The following PRR16 variants were observed in gnomAD, a reference collection of about 807,000 sequenced individuals.
PRR16 encodes proline rich 16.
In PRR16, 6 loss-of-function variants were observed where a neutral mutation model predicts 18.2. The ratio of observed to expected loss-of-function variants is 0.33; its 90% CI spans 0.18 to 0.65. PRR16 has a LOEUF of 0.65. Ranked by LOEUF, PRR16 falls within the 30% of genes least tolerant of loss-of-function variation. The pLI, the probability that PRR16 is intolerant of heterozygous loss-of-function variation, is 0.74. For missense variants in PRR16, 412 were observed against 376.6 expected (o/e 1.09, Z -0.78); for synonymous variants, 151 against 147.8 (o/e 1.02, Z -0.16).
At position 120,486,787 on chromosome 5, in the gene PRR16, A is replaced by T. The variant is rs549951973; in HGVS notation, c.159+22142A>T. Among the ~76,000 whole-genome samples, 256 of 152,260 alleles carry T rather than the reference A, an allele frequency of 1.7e-3. 1 individual carries two copies. Among genetic ancestry groups the T allele is most frequent in the Non-Finnish European group, 2.7e-3 (187 of 68,014 alleles). On this transcript the variant is annotated intron_variant, in intron 1 of 1. Transcript: ENST00000407149. ...GGGTTTTTATGGTTTTAGGTCTAAC[A>T]TGTAAGTCTTTAATCCATCTCGAAT...
intron 1 of PRR16, among the ~76,000 whole-genome samples, chr5:120,514,674 C>G (rs1218521010): frequency 2.6e-5 from 4 of 152,204 alleles, no homozygotes; most frequent in African/African-American, 9.7e-5. Context: ...CCAGGATAGC[C>G]TTTACTCTAG....
At chr5:120,785,280 A>G in the PRR16 span, among the ~76,000 whole-genome samples, 2 of 152,176 alleles carry the variant, frequency 1.3e-5, no homozygotes, top group African/African-American at 4.8e-5. Flanking sequence ...CGTGGGTATG[A>G]GAGTTATCCT....
chr5:120,769,779 C>G, the PRR16 span, among the ~76,000 whole-genome samples: 1 of 151,802 alleles, frequency 6.6e-6, no homozygotes, highest in Non-Finnish European at 1.5e-5. Flanking sequence ...TTTGAGGAGA[C>G]TTCATACTCT....
chr5:120,758,660 C>A, the PRR16 span, among the ~76,000 whole-genome samples: 1 of 152,038 alleles, frequency 6.6e-6, no homozygotes, highest in African/African-American at 2.4e-5. Context: ...CACTCTCTCT[C>A]TCCTGCTGCC....
intron 1 of PRR16, among the ~76,000 whole-genome samples, chr5:120,494,410 A>G (rs1750171675): frequency 1.3e-5 from 2 of 151,916 alleles, no homozygotes. Context: ...TCCTGGCCTT[A>G]ATTGATCTTC....
At chr5:120,495,023 C>T (rs2112833814) in intron 1 of PRR16, among the ~76,000 whole-genome samples, 1 of 152,120 alleles carries the variant, frequency 6.6e-6, no homozygotes, top group Non-Finnish European at 1.5e-5. Context: ...TAGATTGATT[C>T]TTCCCACTAT....
chr5:120,534,340 T>C (rs182127790), intron 1 of PRR16, among the ~76,000 whole-genome samples: 123 of 152,268 alleles, frequency 8.1e-4, no homozygotes, highest in African/African-American at 2.8e-3. Context: ...TAAAAGATAT[T>C]ATATTTTTCC....
At chr5:120,481,203 A>G (rs530399438) in intron 1 of PRR16, 1 of 782,954 alleles carries the variant, frequency 1.3e-6, no homozygotes, top group Non-Finnish European at 1.9e-6. Flanking sequence ...GCTAGAGTGC[A>G]ATGGCACAAT....
intron 1 of PRR16, among the ~76,000 whole-genome samples, chr5:120,528,674 C>T (rs1468122652): frequency 1.3e-5 from 2 of 151,970 alleles, no homozygotes; most frequent in African/African-American, 2.4e-5. Flanking sequence ...TAGTAGAGAC[C>T]CCAAATCCAG....
chr5:120,633,317 A>G (rs2112843122), intron 1 of PRR16, among the ~76,000 whole-genome samples: 1 of 152,294 alleles, frequency 6.6e-6, no homozygotes, highest in Non-Finnish European at 1.5e-5. Context: ...ATGAAAAAGA[A>G]CCAATGTATT....
At chr5:120,696,232 G>C in the PRR16 span, among the ~76,000 whole-genome samples, 1 of 151,904 alleles carries the variant, frequency 6.6e-6, no homozygotes, top group Non-Finnish European at 1.5e-5. Context: ...ACAGAGTGAG[G>C]CTCCATCTCA....
At chr5:120,621,078 C>A (rs535327513) in intron 1 of PRR16, among the ~76,000 whole-genome samples, 2 of 152,212 alleles carry the variant, frequency 1.3e-5, no homozygotes, top group South Asian at 4.1e-4. Flanking sequence ...AAATGTTCCT[C>A]CAAAATCCTG....
chr5:120,513,693 A>G (rs1424007874), intron 1 of PRR16, among the ~76,000 whole-genome samples: 2 of 151,844 alleles, frequency 1.3e-5, no homozygotes, highest in Non-Finnish European at 2.9e-5. Context: ...ATACATTTAT[A>G]TATAGTTTTA....
At chr5:120,611,803 T>C (rs1036288704) in intron 1 of PRR16, among the ~76,000 whole-genome samples, 1 of 152,200 alleles carries the variant, frequency 6.6e-6, no homozygotes, top group Non-Finnish European at 1.5e-5. Context: ...GAGTCCCTAC[T>C]GGGGCAATGC....
At chr5:120,613,485 C>T (rs1267842976) in intron 1 of PRR16, among the ~76,000 whole-genome samples, 1 of 151,756 alleles carries the variant, frequency 6.6e-6, no homozygotes, top group African/African-American at 2.4e-5. Flanking sequence ...TCTTGAACCC[C>T]ACAAAGACAT....
chr5:120,530,001 G>A (rs1375113110), intron 1 of PRR16, among the ~76,000 whole-genome samples: 1 of 151,042 alleles, frequency 6.6e-6, no homozygotes, highest in Non-Finnish European at 1.5e-5. Flanking sequence ...AAAAGAAAGT[G>A]TGTTGTAACA....
At chr5:120,724,963 T>C in the PRR16 span, among the ~76,000 whole-genome samples, 1 of 152,062 alleles carries the variant, frequency 6.6e-6, no homozygotes. Flanking sequence ...ATAAATATTT[T>C]GAAGACAAAC....
At chr5:120,619,610 A>G (rs905899770) in intron 1 of PRR16, among the ~76,000 whole-genome samples, 1 of 152,076 alleles carries the variant, frequency 6.6e-6, no homozygotes, top group Non-Finnish European at 1.5e-5. Flanking sequence ...TACCCAAATA[A>G]AGAGGAAGTA....
At chr5:120,710,905 A>C in the PRR16 span, 2 of 151,742 alleles carry the variant, frequency 1.3e-5, no homozygotes, top group African/African-American at 4.8e-5. Context: ...AAAATCAAAG[A>C]GTTAGTAGGG....
Sources: gnomAD v4.1 joint callset for allele counts (sites outside exome capture counted in the v4.1 genomes callset) on GRCh38, gnomAD v4.1.1 for gene constraint, MANE v1.5 for transcripts, NCBI Gene and HGNC (gene_info 2026-07-23, HGNC 2026-07-21) for gene names.